Variants in PCDH9 observed in about 807,000 individuals in gnomAD.
PCDH9 encodes protocadherin-9.
Under a neutral mutation model 70.6 loss-of-function variants are expected in PCDH9, and 24 were observed. The ratio of observed to expected loss-of-function variants is 0.34; its 90% CI spans 0.25 to 0.48. PCDH9 has a LOEUF of 0.48. Among genes scored for constraint, PCDH9 ranks in the 20% least tolerant of loss-of-function variants. The probability of loss-of-function intolerance (pLI) is 0.99; values close to 1 mark genes in which losing one functional copy is unlikely to be tolerated. For synonymous variants in PCDH9, 562 were observed against 558.5 expected (o/e 1.01, Z -0.09); for missense variants, 1,281 against 1,503.6 (o/e 0.85, Z 2.45).
At chr13:66,505,317 T>C (rs1448223746) in intron 4 of PCDH9, among the ~76,000 whole-genome samples, 3 of 152,124 alleles carry the variant, frequency 2.0e-5, no homozygotes, top group Non-Finnish European at 2.9e-5. Flanking sequence ...ACAATCATGA[T>C]GGAAGGTGAA....
At chr13:66,689,389 G>A (rs770191163) in intron 3 of PCDH9, among the ~76,000 whole-genome samples, 89 of 152,172 alleles carry the variant, frequency 5.8e-4, no homozygotes, top group Admixed American at 1.0e-3. Context: ...CAGCGTTGGC[G>A]GTGGAAACGG....
intron 4 of PCDH9, among the ~76,000 whole-genome samples, chr13:66,534,559 C>G (rs994936481): frequency 6.6e-6 from 1 of 152,082 alleles, no homozygotes; most frequent in Non-Finnish European, 1.5e-5. Flanking sequence ...TCTCTAAGGT[C>G]CTGATTCCAC....
chr13:66,490,400 A>T (rs566995043), intron 4 of PCDH9, among the ~76,000 whole-genome samples: 1 of 152,226 alleles, frequency 6.6e-6, no homozygotes, highest in Non-Finnish European at 1.5e-5. Context: ...TCAAGGGAAA[A>T]CTTGTTGCTG....
At chr13:66,932,681 T>TATATATATATATATATATATACAC (rs1313632174) in intron 2 of PCDH9, among the ~76,000 whole-genome samples, 48 of 114,816 alleles carry the variant, frequency 4.2e-4, no homozygotes, top group African/African-American at 1.6e-3. Flanking sequence ...TATATATATA[T>TATATATATATATATATATATACAC]ACACACACAC....
intron 2 of PCDH9, among the ~76,000 whole-genome samples, chr13:67,119,315 G>A (rs1053178884): frequency 6.6e-6 from 1 of 152,040 alleles, no homozygotes; most frequent in Non-Finnish European, 1.5e-5. Flanking sequence ...TCATCTATGA[G>A]AGATTATAGC....
chr13:66,954,204 A>G (rs527409384), intron 2 of PCDH9, among the ~76,000 whole-genome samples: 20 of 152,286 alleles, frequency 1.3e-4, no homozygotes, highest in South Asian at 6.2e-4. Context: ...TTATGATCCT[A>G]TGATACTTAT....
At chr13:66,942,923 C>G (rs2083029025) in intron 2 of PCDH9, among the ~76,000 whole-genome samples, 1 of 152,094 alleles carries the variant, frequency 6.6e-6, no homozygotes, top group Non-Finnish European at 1.5e-5. Flanking sequence ...ACTTGAAGAA[C>G]AGAGATGGTG....
At chr13:66,598,209 T>TGAC (rs1426888185) in intron 4 of PCDH9, among the ~76,000 whole-genome samples, 1 of 151,780 alleles carries the variant, frequency 6.6e-6, no homozygotes, top group East Asian at 1.9e-4. Flanking sequence ...AACTGTAATA[T>TGAC]GACCCAACAA....
chr13:66,907,457 C>T (rs1206651851), intron 2 of PCDH9, among the ~76,000 whole-genome samples: 1 of 152,112 alleles, frequency 6.6e-6, no homozygotes, highest in Non-Finnish European at 1.5e-5. Flanking sequence ...TATTTTTCAT[C>T]ACCTATGATT....
intron 4 of PCDH9, among the ~76,000 whole-genome samples, chr13:66,510,076 T>A (rs1959391897): frequency 6.6e-6 from 1 of 152,152 alleles, no homozygotes; most frequent in Non-Finnish European, 1.5e-5. Context: ...TTTATTTTTC[T>A]GAGCATAATT....
At chr13:66,944,018 A>G (rs2083047975) in intron 2 of PCDH9, among the ~76,000 whole-genome samples, 1 of 151,312 alleles carries the variant, frequency 6.6e-6, no homozygotes, top group African/African-American at 2.4e-5. Context: ...TATGTCTATA[A>G]CTTAACACTA....
chr13:66,372,929 A>G (rs1167661445), intron 4 of PCDH9, among the ~76,000 whole-genome samples: 1 of 151,966 alleles, frequency 6.6e-6, no homozygotes, highest in East Asian at 1.9e-4. Context: ...TTCAAGAAAC[A>G]AAAAACTAAA....
At chr13:66,422,050 C>T (rs1957577526) in intron 4 of PCDH9, among the ~76,000 whole-genome samples, 1 of 152,022 alleles carries the variant, frequency 6.6e-6, no homozygotes. Flanking sequence ...CAACAACGGT[C>T]AAAAGAGGCA....
At chr13:66,950,199 T>A (rs1454054737) in intron 2 of PCDH9, among the ~76,000 whole-genome samples, 1 of 152,140 alleles carries the variant, frequency 6.6e-6, no homozygotes, top group South Asian at 2.1e-4. Context: ...TGCTCCAATT[T>A]AATCCAACAA....
intron 3 of PCDH9, among the ~76,000 whole-genome samples, chr13:66,876,171 C>G (rs537542907): frequency 6.6e-6 from 1 of 152,180 alleles, no homozygotes; most frequent in South Asian, 2.1e-4. Flanking sequence ...TCATAACTTA[C>G]TAAAACCAAT....
intron 4 of PCDH9, among the ~76,000 whole-genome samples, chr13:66,405,790 T>C (rs1957270361): frequency 6.6e-6 from 1 of 152,212 alleles, no homozygotes; most frequent in South Asian, 2.1e-4. Flanking sequence ...GTCTTATAAA[T>C]GTGGCAACCG....
intron 2 of PCDH9, among the ~76,000 whole-genome samples, chr13:66,970,107 T>C (rs2083493940): frequency 1.3e-5 from 2 of 152,012 alleles, no homozygotes; most frequent in African/African-American, 4.8e-5. Context: ...AAAAACTAGA[T>C]CATCTCACAC....
At chr13:66,756,763 T>C (rs1467936029) in intron 3 of PCDH9, among the ~76,000 whole-genome samples, 1 of 152,152 alleles carries the variant, frequency 6.6e-6, no homozygotes, top group Non-Finnish European at 1.5e-5. Flanking sequence ...TAGCTGGGGA[T>C]TGCTGCTCAT....
At chr13:66,559,378 A>G (rs1254763674) in intron 4 of PCDH9, among the ~76,000 whole-genome samples, 3 of 152,212 alleles carry the variant, frequency 2.0e-5, no homozygotes, top group Admixed American at 2.0e-4. Flanking sequence ...CTTTATAGCC[A>G]GTATTTTATT....
Sources: gnomAD v4.1 joint callset for allele counts (sites outside exome capture counted in the v4.1 genomes callset) on GRCh38, gnomAD v4.1.1 for gene constraint, MANE v1.5 for transcripts, NCBI Gene and HGNC (gene_info 2026-07-23, HGNC 2026-07-21) for gene names.